Variants in PAQR3 observed in about 807,000 individuals in gnomAD.
PAQR3 encodes the protein Raf kinase trapping to Golgi.
Under a neutral mutation model 41.7 loss-of-function variants are expected in PAQR3, and 39 were observed. That is an observed-to-expected ratio of 0.93 (90% confidence interval 0.72 to 1.22). The LOEUF (loss-of-function observed/expected upper bound fraction) is 1.22. Among genes scored for constraint, PAQR3 ranks in the 50% most tolerant of loss-of-function variants. The pLI, the probability that PAQR3 is intolerant of heterozygous loss-of-function variation, is 0.00. For synonymous variants in PAQR3, 140 were observed against 140.6 expected, an observed-to-expected ratio of 1.00 and a Z score of 0.03; for missense variants, 366 against 385.6, an observed-to-expected ratio of 0.95 and a Z score of 0.42.
chr4:78,910,683 T>TA, downstream of PAQR3: 1 of 1,608,222 alleles, frequency 6.2e-7, no homozygotes, highest in Non-Finnish European at 8.5e-7. Context: ...TCAAGAACGG[T>TA]AAAACAAGTC....
chr4:78,925,702 A>G (rs1736123200), intron 4 of PAQR3, among the ~76,000 whole-genome samples: 1 of 152,150 alleles, frequency 6.6e-6, no homozygotes, highest in Non-Finnish European at 1.5e-5. Flanking sequence ...AGACAAAGGT[A>G]CCATTGCAAT....
In PAQR3 at chr4:78,919,544, T is replaced by TTA; in HGVS notation, c.*993_*994dup. On this transcript the variant is annotated 3_prime_UTR_variant, in exon 6 of 6. Transcript: ENST00000512733. The stretch of plus-strand genomic sequence containing the variant: ...AGGACCAGAGCACAGGTGAATAAGA[T>TTA]TATTATCAAATGGGGCATCTGCATG... 2 of 985,138 alleles carry TTA rather than the reference T, an allele frequency of 2.0e-6. No individual in the cohort carries two copies. Among genetic ancestry groups the TTA allele is most frequent in the South Asian group, 9.4e-5 (2 of 21,282 alleles). 61.0% of individuals were successfully genotyped at this position (985,138 alleles called of 1,614,324 possible).
In PAQR3 at chr4:78,914,137, T is replaced by C. The variant is rs979637924; in HGVS notation, c.*6402A>G. The C allele has an allele frequency of 6.6e-6, 1 of 152,106 alleles. No homozygotes were observed. Among genetic ancestry groups the C allele is most frequent in the African/African-American group, 2.4e-5 (1 of 41,456 alleles). The allele number at this position is 152,106 out of a possible 1,614,324, so 9.4% of individuals were successfully genotyped here. On this transcript the variant is annotated 3_prime_UTR_variant, in exon 6 of 6. Transcript: ENST00000512733. Reference sequence around the variant, plus strand: ...CTTGATTGTATTAGTCCTTGGTCTCTGCTAGACCTCATGAGTTTCATCATT... The same window carrying C: ...CTTGATTGTATTAGTCCTTGGTCTCCGCTAGACCTCATGAGTTTCATCATT...
At chr4:78,911,446 C>G (rs746429456), downstream of PAQR3, 5 of 1,614,008 alleles carry the variant, frequency 3.1e-6, no homozygotes, top group Admixed American at 5.0e-5. Flanking sequence ...GGGGAGCCAG[C>G]AGCAAAAAGT....
downstream of PAQR3, among the ~76,000 whole-genome samples, chr4:78,907,438 C>T (rs900372461): frequency 3.3e-5 from 5 of 152,190 alleles, no homozygotes; most frequent in African/African-American, 9.6e-5. Context: ...CCAAGTGACA[C>T]TCTCCAAGAT....
At chr4:78,909,763 C>T (rs1354591558), downstream of PAQR3, among the ~76,000 whole-genome samples, 1 of 152,146 alleles carries the variant, frequency 6.6e-6, no homozygotes, top group African/African-American at 2.4e-5. Context: ...GAGCACTAGT[C>T]ACAATTTATG....
chr4:78,906,059 T>G (rs1235885889), intron 11 of PAQR3: 2 of 152,120 alleles, frequency 1.3e-5, no homozygotes, highest in East Asian at 3.8e-4. Context: ...TTCTGTAGTT[T>G]CATGATGAAT....
At chr4:78,934,710 C>A (rs986014701) in intron 2 of PAQR3, among the ~76,000 whole-genome samples, 9 of 152,020 alleles carry the variant, frequency 5.9e-5, no homozygotes, top group African/African-American at 2.2e-4. Context: ...CAAAACAGGA[C>A]AGTAAAATAT....
rs1404589639 is a variant in PAQR3, at chr4:78,916,962, T to TAACA, written c.*3573_*3576dup. On this transcript the variant is annotated 3_prime_UTR_variant, in exon 6 of 6. Coordinates refer to ENST00000512733, the MANE Select transcript of PAQR3 (RefSeq NM_001040202.2). The stretch of plus-strand genomic sequence containing the variant: ...TATGAATTAACTTTTTCTGAAGTTG[T>TAACA]AACATTTATCTAAAGTTATGTGAAA... 6.6e-6 allele frequency: 1 copy of TAACA among 151,844 alleles called. No individual in the cohort carries two copies. Among genetic ancestry groups the TAACA allele is most frequent in the South Asian group, 2.1e-4 (1 of 4,822 alleles). The allele number at this position is 151,844 out of a possible 1,614,324, so 9.4% of individuals were successfully genotyped here. A position where few individuals can be genotyped will look rare whatever the true frequency, so the allele number is the denominator to read the frequency against.
chr4:78,936,723 A>C (rs1252642432), intron 1 of PAQR3, among the ~76,000 whole-genome samples: 1 of 152,340 alleles, frequency 6.6e-6, no homozygotes, highest in East Asian at 1.9e-4. Flanking sequence ...TGTTTTGACA[A>C]TCAGTACTAT....
chr4:78,911,338 G>A (rs1734585982), downstream of PAQR3: 17 of 1,613,576 alleles, frequency 1.1e-5, 1 homozygote, highest in African/African-American at 1.3e-4. Context: ...AAGTGTAGAT[G>A]TATTTGGCTC....
chr4:78,895,588 G>C (rs983969517), intron 11 of PAQR3, among the ~76,000 whole-genome samples: 1 of 152,018 alleles, frequency 6.6e-6, no homozygotes, highest in Non-Finnish European at 1.5e-5. Flanking sequence ...AAAGTTGAAA[G>C]TGAGACTTGG....
chr4:78,934,333 A>C (rs1229791404), intron 2 of PAQR3, among the ~76,000 whole-genome samples: 1 of 152,210 alleles, frequency 6.6e-6, no homozygotes, highest in Non-Finnish European at 1.5e-5. Context: ...CTGAGTTATG[A>C]GATTCACCTC....
chr4:78,898,164 G>A (rs928658432), intron 11 of PAQR3, among the ~76,000 whole-genome samples: 1 of 152,204 alleles, frequency 6.6e-6, no homozygotes, highest in Admixed American at 6.5e-5. Context: ...GCAGGTATTT[G>A]AGGATGGCAG....
chr4:78,919,323 T>G lies in PAQR3; in HGVS notation c.*1216A>C, dbSNP rs79677426. ...CTCCAATAAACAATGTAAGTTTTTA[T>G]GAATGTCTACTTTAAGGGATTTAAC... On this transcript the variant is annotated 3_prime_UTR_variant, in exon 6 of 6. Coordinates refer to ENST00000512733, the MANE Select transcript of PAQR3 (RefSeq NM_001040202.2). The G allele has an allele frequency of 1.1e-3, 1,059 of 983,646 alleles. 8 individuals carry two copies. The African/African-American group carries it at 0.017, about 16-fold the overall frequency. 60.9% of individuals were successfully genotyped at this position (983,646 alleles called of 1,614,324 possible).
At chr4:78,921,868 T>G in intron 5 of PAQR3, 1 of 985,088 alleles carries the variant, frequency 1.0e-6, no homozygotes. Context: ...ACTGCTCTCA[T>G]GTACCCAAAC....
chr4:78,890,063 A>G (rs1359847408), intron 11 of PAQR3, among the ~76,000 whole-genome samples: 2 of 152,126 alleles, frequency 1.3e-5, no homozygotes, highest in African/African-American at 4.8e-5. Context: ...ATAGATTAGT[A>G]TATACTTTTT....
chr4:78,938,937 A>C (rs1737729308), intron 1 of PAQR3, 103 bp downstream of exon 1: 1 of 1,157,970 alleles, frequency 8.6e-7, no homozygotes, highest in East Asian at 2.6e-5. Context: ...GCGGCGAGGA[A>C]ATGATGGGCA....
At chr4:78,922,215 G>A in intron 5 of PAQR3, 1 of 1,190,326 alleles carries the variant, frequency 8.4e-7, no homozygotes, top group East Asian at 5.8e-5. Context: ...TCCTAGATCT[G>A]TTCCCAAATC....
Sources: gnomAD v4.1 joint callset for allele counts (sites outside exome capture counted in the v4.1 genomes callset) on GRCh38, gnomAD v4.1.1 for gene constraint, MANE v1.5 for transcripts, NCBI Gene and HGNC (gene_info 2026-07-23, HGNC 2026-07-21) for gene names.